The following PPWD1 variants were observed in gnomAD, a reference collection of about 807,000 sequenced individuals.
PPWD1 encodes the protein peptidylprolyl isomerase domain and WD repeat-containing protein 1.
PPWD1 carries 43 observed loss-of-function variants against 68.8 expected under a neutral mutation model. The observed-to-expected ratio is 0.62, with a 90% CI of 0.49 to 0.81. The LOEUF is 0.81. Ranked by LOEUF, PPWD1 falls within the 30% of genes least tolerant of loss-of-function variation. PPWD1 has a pLI of 0.00. For missense variants in PPWD1, 672 were observed against 804.8 expected (o/e 0.83, Z 2.00); for synonymous variants, 232 against 258.7 (o/e 0.90, Z 0.99).
At position 65,583,976 on chromosome 5, in the gene PPWD1, C is replaced by T. The variant is rs181370128; in HGVS notation, c.1532+757C>T. Among the ~76,000 whole-genome samples the T allele has an allele frequency of 1.3e-3, 204 of 151,846 alleles. 3 individuals carry two copies. Among genetic ancestry groups the T allele is most frequent in the African/African-American group, 4.3e-3 (179 of 41,386 alleles). ...CTACAAAAACAAATTACAACAAAAC[C>T]GTAAGGGCTTCAATTGAAAAAAAGG... is the stretch of plus-strand genomic sequence containing the variant. On this transcript the variant is annotated intron_variant, in intron 8 of 10. Transcript: ENST00000261308.
chr5:65,578,631 G>A (rs1561729062), intron 6 of PPWD1, among the ~76,000 whole-genome samples: 1 of 151,324 alleles, frequency 6.6e-6, no homozygotes, highest in Non-Finnish European at 1.5e-5. Flanking sequence ...ATATCTCTTT[G>A]ATGAAGTATA....
intron 8 of PPWD1, among the ~76,000 whole-genome samples, chr5:65,584,549 A>G (rs1753736790): frequency 6.6e-6 from 1 of 152,148 alleles, no homozygotes; most frequent in African/African-American, 2.4e-5. Flanking sequence ...ATAATACTAT[A>G]TGGAGTAAAC....
At chr5:65,582,636 A>C (rs1753644499) in intron 7 of PPWD1, 1 of 158,326 alleles carries the variant, frequency 6.3e-6, no homozygotes, top group Non-Finnish European at 1.4e-5. Flanking sequence ...TCACATCCCC[A>C]AAGTCGCAGA....
At position 65,564,028 on chromosome 5, in the gene PPWD1, C is replaced by T. The variant is rs1042392084; in HGVS notation, c.196+522C>T. The T allele has an allele frequency of 1.2e-5, 7 of 602,456 alleles. No homozygotes were observed. The Middle Eastern group carries it at 1.3e-3, about 111-fold the overall frequency. 37.3% of individuals were successfully genotyped at this position (602,456 alleles called of 1,614,324 possible). A position where few individuals can be genotyped will look rare whatever the true frequency, so the allele number is the denominator to read the frequency against. On this transcript the variant is annotated intron_variant, in intron 1 of 10. Transcript: ENST00000261308. Reference sequence around the variant, plus strand: ...AAAATGACGTAAGCTTCCTAGATCACAGATTTGTTTTCATCCAAAACCCGA... The same window carrying T: ...AAAATGACGTAAGCTTCCTAGATCATAGATTTGTTTTCATCCAAAACCCGA...
chr5:65,574,653 C>T (rs1028170525), intron 5 of PPWD1, among the ~76,000 whole-genome samples: 8 of 151,538 alleles, frequency 5.3e-5, no homozygotes, highest in East Asian at 3.9e-4. Context: ...TTAGTAGAGA[C>T]GGGGTTTCAC....
chr5:65,572,296 AT>A lies in PPWD1; in HGVS notation c.969+13del. On this transcript the variant is annotated intron_variant, in intron 5 of 10. Coordinates refer to ENST00000261308, the MANE Select transcript of PPWD1 (RefSeq NM_015342.4). The stretch of plus-strand genomic sequence containing the variant: ...TGATGAATCACTAAGCGTAAGTGTA[AT>A]TTAAATTTAACCGTACTTTACTTTT... 6.3e-7 allele frequency: 1 copy of A among 1,579,216 alleles called. No individual in the cohort carries two copies. The highest frequency in any genetic ancestry group is 8.6e-7 in the Non-Finnish European group (1 of 1,162,734).
At chr5:65,585,949 T>C in intron 9 of PPWD1, 50 bp from the exon 10 acceptor site, 1 of 1,589,710 alleles carries the variant, frequency 6.3e-7, no homozygotes, top group Non-Finnish European at 8.6e-7. Flanking sequence ...CTTCAAAGCG[T>C]ACATATATCG....
chr5:65,573,952 C>T (rs72762449), intron 5 of PPWD1, among the ~76,000 whole-genome samples: 7 of 152,216 alleles, frequency 4.6e-5, no homozygotes, highest in Non-Finnish European at 1.0e-4. Flanking sequence ...TGCAGTTAAG[C>T]GGTTTCTGTG....
chr5:65,583,751 C>T (rs1219957188), intron 8 of PPWD1, among the ~76,000 whole-genome samples: 1 of 152,128 alleles, frequency 6.6e-6, no homozygotes, highest in Admixed American at 6.6e-5. Context: ...CAGTTTGAGA[C>T]TAGCCCGAGC....
intron 7 of PPWD1, among the ~76,000 whole-genome samples, chr5:65,580,314 GCTAT>G (rs1287564586): frequency 6.6e-6 from 1 of 152,134 alleles, no homozygotes; most frequent in Admixed American, 6.5e-5. Context: ...TGGTGCCCCA[GCTAT>G]CTATGCTGGC....
Position 65,587,435 on chromosome 5 carries a change from A to G in PPWD1, c.*39A>G. ...TTAATGTACTTGCAAATAAAAATACAATATTAAACAGATTATTTTACATTA... is the reference window on the plus strand; with the variant it reads ...TTAATGTACTTGCAAATAAAAATACGATATTAAACAGATTATTTTACATTA... On this transcript the variant is annotated 3_prime_UTR_variant, in exon 11 of 11. Coordinates refer to ENST00000261308, the MANE Select transcript of PPWD1 (RefSeq NM_015342.4). 1 of 1,469,448 alleles carries G rather than the reference A, an allele frequency of 6.8e-7. No individual in the cohort carries two copies. Among genetic ancestry groups the G allele is most frequent in the Non-Finnish European group, 9.3e-7 (1 of 1,072,376 alleles). The allele number at this position is 1,469,448 out of a possible 1,614,324, so 91.0% of individuals were successfully genotyped here.
Position 65,587,333 on chromosome 5 carries a change from A to G in PPWD1, c.1878A>G (p.Lys626=). Residue 626 remains lysine (K), a synonymous_variant, in exon 11 of 11, where the codon AAA becomes AAG. Coordinates refer to ENST00000261308, the MANE Select transcript of PPWD1 (RefSeq NM_015342.4). ...TTGTACAGAGGATCTCCAACGTCAA[A>G]GTCAATCCCAAAACAGATAAGCCCT... ...MEVVQRISNV[K]VNPKTDKPYE... 6.2e-7 allele frequency: 1 copy of G among 1,612,902 alleles called. No homozygotes were observed. The highest frequency in any genetic ancestry group is 8.5e-7 in the Non-Finnish European group (1 of 1,179,172).
At chr5:65,583,257 A>G (rs750163707) in intron 8 of PPWD1, 38 bp downstream of exon 8, 1 of 1,436,212 alleles carries the variant, frequency 7.0e-7, no homozygotes, top group East Asian at 2.4e-5. Flanking sequence ...TTATGTAATT[A>G]AGAATGTAAA....
chr5:65,584,960 AC>A, intron 8 of PPWD1, 53 bp from the exon 9 acceptor site: 6 of 1,575,724 alleles, frequency 3.8e-6, no homozygotes, highest in Non-Finnish European at 5.2e-6. Flanking sequence ...TGCAAAGAAA[AC>A]TGTTTTAAGA....
intron 1 of PPWD1, among the ~76,000 whole-genome samples, chr5:65,564,478 G>T (rs569732647): frequency 2.6e-5 from 4 of 152,016 alleles, no homozygotes; most frequent in African/African-American, 7.2e-5. Context: ...ACAGGCGCAC[G>T]CCCAGCTAAT....
intron 2 of PPWD1, chr5:65,569,094 T>A (rs748345079): frequency 2.2e-6 from 1 of 447,422 alleles, no homozygotes; most frequent in East Asian, 7.0e-5. Context: ...ATGTACAAAG[T>A]ACCTGACATA....
intron 1 of PPWD1, chr5:65,563,924 G>A (rs1434724440): frequency 7.9e-7 from 1 of 1,270,058 alleles, no homozygotes; most frequent in Non-Finnish European, 1.1e-6. Flanking sequence ...CGAGAGGAAG[G>A]CGGTGCTTAT....
Position 65,567,528 on chromosome 5 carries a change from G to A in PPWD1, c.212G>A (p.Arg71Lys), listed in dbSNP as rs932913564. 1 of 1,608,796 alleles carries A rather than the reference G, an allele frequency of 6.2e-7. No individual in the cohort carries two copies. The highest frequency in any genetic ancestry group is 1.7e-5 in the Admixed American group (1 of 59,364). ...AKKRKVLEFE[R>K]VYLDNLPSAS... ...TTTTCTTCAGTCTTAGAGTTTGAAA[G>A]AGTCTATCTTGATAATCTCCCCAGT... The change falls in exon 2 of 11, where the codon AGA (arginine) becomes AAA (lysine). Residue 71 changes from arginine (R) to lysine (K), a missense_variant. This residue lies in a region of PPWD1 where 188 missense variants were observed against 158.6 expected (regional missense o/e 1.19). Transcript: ENST00000261308.
At position 65,573,472 on chromosome 5, in the gene PPWD1, TA is replaced by T. The variant is rs1318741704; in HGVS notation, c.969+1187del. ...CACACTTAGCTAATATATATATATA[TA>T]TATTTTTTTTTTATTAGAGATGGGT... On this transcript the variant is annotated intron_variant, in intron 5 of 10. Coordinates refer to ENST00000261308, the MANE Select transcript of PPWD1 (RefSeq NM_015342.4). 5.8e-4 allele frequency among the ~76,000 whole-genome samples: 38 copies of T among 65,896 alleles called. 2 individuals carry two copies. The highest frequency in any genetic ancestry group is 2.5e-3 in the African/African-American group (33 of 13,122). The allele number at this position is 65,896 out of a possible 152,430, so 43.2% of individuals were successfully genotyped here. A position where few individuals can be genotyped will look rare whatever the true frequency, so the allele number is the denominator to read the frequency against.
Sources: allele counts gnomAD v4.1 joint callset (sites outside exome capture counted in the v4.1 genomes callset), GRCh38; gene constraint gnomAD v4.1.1; regional missense constraint gnomAD v4.1.1; transcripts MANE v1.5; gene names NCBI Gene and HGNC (gene_info 2026-07-23, HGNC 2026-07-21).